Variants in ANXA3 observed in about 807,000 individuals in gnomAD.
ANXA3 encodes the protein 35-alpha calcimedin.
In ANXA3, 46 loss-of-function variants were observed where a neutral mutation model predicts 48.8. The observed-to-expected ratio is 0.94, with a 90% CI of 0.74 to 1.21. ANXA3 has a LOEUF of 1.21. Among genes scored for constraint, ANXA3 ranks in the 50% most tolerant of loss-of-function variants. The pLI, the probability that ANXA3 is intolerant of heterozygous loss-of-function variation, is 0.00. For missense variants in ANXA3, 383 were observed against 378.6 expected, an observed-to-expected ratio of 1.01 and a Z score of -0.10; for synonymous variants, 128 against 134.7, an observed-to-expected ratio of 0.95 and a Z score of 0.35.
chr4:78,573,308 A>C (rs756977230), intron 3 of ANXA3, 41 bp downstream of exon 3: 7 of 1,448,012 alleles, frequency 4.8e-6, no homozygotes, highest in Admixed American at 1.7e-5. Flanking sequence ...TGTTGAAGCA[A>C]ATCAGGCAAG....
At chr4:78,562,957 C>G (rs1358698400) in intron 2 of ANXA3, among the ~76,000 whole-genome samples, 1 of 152,018 alleles carries the variant, frequency 6.6e-6, no homozygotes, top group Non-Finnish European at 1.5e-5. Flanking sequence ...GAAGCAAAAA[C>G]AGGGATACAA....
intron 4 of ANXA3, among the ~76,000 whole-genome samples, chr4:78,581,010 T>C (rs184266010): frequency 3.3e-5 from 5 of 152,298 alleles, no homozygotes; most frequent in African/African-American, 1.2e-4. Flanking sequence ...TGGAATAGGA[T>C]GAGAGCTGTG....
At chr4:78,562,041 C>T (rs767316393) in intron 2 of ANXA3, among the ~76,000 whole-genome samples, 2 of 152,140 alleles carry the variant, frequency 1.3e-5, no homozygotes, top group Non-Finnish European at 2.9e-5. Context: ...GGGAGGGTCC[C>T]TCTTTTATAT....
chr4:78,609,424 G>T (rs898920952), intron 12 of ANXA3, among the ~76,000 whole-genome samples: 1 of 152,122 alleles, frequency 6.6e-6, no homozygotes, highest in Non-Finnish European at 1.5e-5. Context: ...TATCTTTTCT[G>T]GACAACAGTC....
Position 78,597,352 on chromosome 4 carries a change from A to G in ANXA3, c.668A>G (p.Asp223Gly). ...GAATACAGAAATATCAGCCAAAAGG[A>G]CATTGTGGACAGCATAAAAGGAGAA... ...FDEYRNISQK[D>G]IVDSIKGELS... Residue 223 changes from aspartate to glycine, a missense_variant, in exon 10 of 13, where the codon GAC becomes GGC. Physicochemically the swap from Asp to Gly is moderately conservative, Grantham distance 94. Coordinates refer to ENST00000264908, the MANE Select transcript of ANXA3 (RefSeq NM_005139.3). 2.5e-6 allele frequency: 4 copies of G among 1,610,524 alleles called. No homozygotes were observed. Among genetic ancestry groups the G allele is most frequent in the Non-Finnish European group, 3.4e-6 (4 of 1,178,774 alleles).
intron 2 of ANXA3, among the ~76,000 whole-genome samples, chr4:78,561,603 G>A (rs1000969851): frequency 6.6e-6 from 1 of 152,036 alleles, no homozygotes; most frequent in Non-Finnish European, 1.5e-5. Context: ...TGAGGAGAAA[G>A]CTGTGTTCAT....
chr4:78,582,374 A>T, intron 5 of ANXA3, 84 bp downstream of exon 5: 1 of 887,178 alleles, frequency 1.1e-6, no homozygotes, highest in Non-Finnish European at 1.8e-6. Context: ...CACACTTGTG[A>T]TGGGTGGACT....
At chr4:78,585,186 AGGGGAG>A (rs1723146512) in intron 5 of ANXA3, among the ~76,000 whole-genome samples, 1 of 152,226 alleles carries the variant, frequency 6.6e-6, no homozygotes, top group African/African-American at 2.4e-5. Flanking sequence ...GGCTACCCAA[AGGGGAG>A]GGTTTAGCAG....
At chr4:78,553,418 A>G (rs111772603) in intron 1 of ANXA3, among the ~76,000 whole-genome samples, 3 of 152,200 alleles carry the variant, frequency 2.0e-5, no homozygotes, top group Non-Finnish European at 2.9e-5. Flanking sequence ...ACCTCGTTCA[A>G]TGCTGGCAAC....
intron 3 of ANXA3, among the ~76,000 whole-genome samples, chr4:78,575,069 T>C (rs1280133430): frequency 1.3e-5 from 2 of 152,224 alleles, no homozygotes; most frequent in African/African-American, 2.4e-5. Context: ...GTCTAAACAG[T>C]ATCTTATACT....
At chr4:78,577,899 G>A (rs868804487) in intron 3 of ANXA3, among the ~76,000 whole-genome samples, 15 of 152,122 alleles carry the variant, frequency 9.9e-5, no homozygotes, top group Non-Finnish European at 2.9e-5. Context: ...GAATGACCTT[G>A]AGGTCATTCT....
At chr4:78,559,092 AT>A (rs58124043) in intron 2 of ANXA3, among the ~76,000 whole-genome samples, 4 of 150,464 alleles carry the variant, frequency 2.7e-5, no homozygotes, top group Admixed American at 6.6e-5. Flanking sequence ...TTATTTCTTT[AT>A]TTTTTTTTGA....
At chr4:78,585,039 C>T (rs1366390088) in intron 5 of ANXA3, among the ~76,000 whole-genome samples, 1 of 152,226 alleles carries the variant, frequency 6.6e-6, no homozygotes, top group Non-Finnish European at 1.5e-5. Flanking sequence ...CAGTCATTGA[C>T]TGACAGCCAC....
At chr4:78,564,271 G>T (rs1237320021) in intron 2 of ANXA3, among the ~76,000 whole-genome samples, 1 of 152,168 alleles carries the variant, frequency 6.6e-6, no homozygotes, top group African/African-American at 2.4e-5. Flanking sequence ...TGCATTTCAT[G>T]TCTCCAGTGT....
intron 2 of ANXA3, among the ~76,000 whole-genome samples, chr4:78,569,067 T>C (rs1033532786): frequency 3.9e-5 from 6 of 152,368 alleles, no homozygotes; most frequent in African/African-American, 1.4e-4. Context: ...ACTTGGCACA[T>C]AGTGATTAGC....
chr4:78,586,421 C>T, intron 6 of ANXA3, 71 bp downstream of exon 6: 2 of 1,109,494 alleles, frequency 1.8e-6, no homozygotes, highest in South Asian at 1.4e-5. Flanking sequence ...TCCTAGAATC[C>T]TCTCAATCTC....
intron 11 of ANXA3, 165 bp downstream of exon 11, chr4:78,601,733 A>G (rs1723547200): frequency 1.9e-6 from 1 of 532,170 alleles, no homozygotes; most frequent in Non-Finnish European, 3.3e-6. Context: ...TACACTCTTT[A>G]CACAGACACC....
At chr4:78,610,023 G>A (rs754069627) in intron 12 of ANXA3, 33 bp from the exon 13 acceptor site, 10 of 1,514,020 alleles carry the variant, frequency 6.6e-6, no homozygotes, top group Non-Finnish European at 7.3e-6. Flanking sequence ...TATTTATACT[G>A]TATTTGTTCT....
intron 7 of ANXA3, among the ~76,000 whole-genome samples, chr4:78,594,430 GA>G (rs998102425): frequency 7.9e-5 from 12 of 152,162 alleles, no homozygotes; most frequent in African/African-American, 2.9e-4. Flanking sequence ...TATATAGTAA[GA>G]GATATTTAGC....
Sources: gnomAD v4.1 joint callset for allele counts (sites outside exome capture counted in the v4.1 genomes callset) on GRCh38, gnomAD v4.1.1 for gene constraint, MANE v1.5 for transcripts, NCBI Gene and HGNC (gene_info 2026-07-23, HGNC 2026-07-21) for gene names.